The following FANCA variants were observed in gnomAD, a reference collection of about 807,000 sequenced individuals.
FANCA encodes Fanconi anemia group A protein.
A neutral mutation model predicts 194.3 loss-of-function variants in FANCA; 236 were observed. The ratio of observed to expected loss-of-function variants is 1.21; its 90% confidence interval spans 1.09 to 1.35. FANCA has a LOEUF of 1.35. Among genes scored for constraint, FANCA ranks in the 40% most tolerant of loss-of-function variants. The pLI, the probability that FANCA is intolerant of heterozygous loss-of-function variation, is 0.00. For missense variants in FANCA, 2,628 were observed against 1,813.9 expected, an observed-to-expected ratio of 1.45 and a Z score of -8.15; for synonymous variants, 1,014 against 715.8, an observed-to-expected ratio of 1.42 and a Z score of -6.65.
chr16:89,807,328 G>A (rs1453082794), intron 6 of FANCA, among the ~76,000 whole-genome samples: 4 of 151,332 alleles, frequency 2.6e-5, no homozygotes, highest in Admixed American at 1.3e-4. Context: ...GTGGTGGCAC[G>A]CGCCTGTAGT....
At position 89,745,100 on chromosome 16, in the gene FANCA, A is replaced by C. The variant is rs564838391; in HGVS notation, c.3514-29T>G. Reference sequence around the variant, plus strand: ...TGGAGAGAGCACCAGCACACAGATGAGGGTGGCTGAGATGGACACACCTCC... The same window carrying C: ...TGGAGAGAGCACCAGCACACAGATGCGGGTGGCTGAGATGGACACACCTCC... On this transcript the variant is annotated intron_variant, in intron 35 of 42. Transcript: ENST00000389301. 7.7e-6 allele frequency: 12 copies of C among 1,550,246 alleles called. No homozygotes were observed. In the African/African-American group the frequency reaches 1.2e-4, roughly 16 times the overall value.
chr16:89,805,410 G>C lies in FANCA; in HGVS notation c.597-18C>G. The C allele has an allele frequency of 1.3e-6, 2 of 1,591,204 alleles. No individual in the cohort carries two copies. The highest frequency in any genetic ancestry group is 1.7e-6 in the Non-Finnish European group (2 of 1,159,798). The stretch of plus-strand genomic sequence containing the variant: ...CGGGATGGCTGGAGACACACACAGA[G>C]GCAGACGTAAGGCTCAACTAAATCC... On this transcript the variant is annotated intron_variant, in intron 6 of 42. Transcript: ENST00000389301.
intron 14 of FANCA, among the ~76,000 whole-genome samples, chr16:89,787,961 C>T (rs772354965): frequency 9.2e-5 from 14 of 151,784 alleles, no homozygotes; most frequent in Non-Finnish European, 1.8e-4. Context: ...GCAACCTGCG[C>T]GTTCCGGGTT....
In FANCA at chr16:89,749,718, AGT is replaced by A; in HGVS notation, c.3239+10_3239+11del. On this transcript the variant is annotated intron_variant, in intron 32 of 42. Transcript: ENST00000389301. ...GGTGGTGCTGCCCTGCCCAGGTGGT[AGT>A]AGGTGTTACCGTTTGTACATTAGCA... The A allele has an allele frequency of 6.2e-7, 1 of 1,612,252 alleles. No individual in the cohort carries two copies. Among genetic ancestry groups the A allele is most frequent in the Non-Finnish European group, 8.5e-7 (1 of 1,179,092 alleles).
rs981671559 is a variant in FANCA, at chr16:89,791,279, C to T, written c.1359+124G>A. On this transcript the variant is annotated intron_variant, in intron 14 of 42. Coordinates refer to ENST00000389301, the MANE Select transcript of FANCA (RefSeq NM_000135.4). ...CAGAGGAAGATCTGCCAAGGCCACT[C>T]GGCAAAGCTGACAGCAAGGTTGCTC... 1.0e-4 allele frequency: 139 copies of T among 1,344,136 alleles called. 2 individuals carry two copies. The highest frequency in any genetic ancestry group is 1.0e-3 in the South Asian group (81 of 79,906). 83.3% of individuals were successfully genotyped at this position (1,344,136 alleles called of 1,614,324 possible).
chr16:89,752,131 A>C lies in FANCA; in HGVS notation c.3066+7T>G. 1 of 1,613,596 alleles carries C rather than the reference A, an allele frequency of 6.2e-7. No homozygotes were observed. Among genetic ancestry groups the C allele is most frequent in the Non-Finnish European group, 8.5e-7 (1 of 1,179,574 alleles). On this transcript the variant is annotated splice_region_variant and intron_variant, in intron 31 of 42. Coordinates refer to ENST00000389301, the MANE Select transcript of FANCA (RefSeq NM_000135.4). ...AATGCACTGAGTTGTGGCACCCTCA[A>C]ACTCACCTGCAATCTGGAAATAATA... is the stretch of plus-strand genomic sequence containing the variant.
intron 8 of FANCA, among the ~76,000 whole-genome samples, chr16:89,802,122 T>C (rs553588361): frequency 6.6e-6 from 1 of 152,304 alleles, no homozygotes; most frequent in African/African-American, 2.4e-5. Flanking sequence ...ACTGGTCAGC[T>C]TTAACGGAGT....
intron 32 of FANCA, among the ~76,000 whole-genome samples, chr16:89,749,423 C>T (rs2038504292): frequency 6.6e-6 from 1 of 152,220 alleles, no homozygotes; most frequent in Non-Finnish European, 1.5e-5. Context: ...CATGGCGTTT[C>T]GCCATGTTGG....
chr16:89,753,545 T>C (rs1018140984), intron 30 of FANCA, among the ~76,000 whole-genome samples: 2 of 152,150 alleles, frequency 1.3e-5, no homozygotes, highest in Admixed American at 6.6e-5. Context: ...TCAATAGATG[T>C]AGAAAAAGCA....
At position 89,737,948 on chromosome 16, in the gene FANCA, C is replaced by T; in HGVS notation, c.*653G>A. On this transcript the variant is annotated 3_prime_UTR_variant, in exon 43 of 43. Transcript: ENST00000389301. ...CCCCCTCCCAGGGCTGTGGCCCTCGCACCTTCTTATCTGCCTCTGTCCCCC... is the reference window on the plus strand; with the variant it reads ...CCCCCTCCCAGGGCTGTGGCCCTCGTACCTTCTTATCTGCCTCTGTCCCCC... 3 of 1,614,106 alleles carry T rather than the reference C, an allele frequency of 1.9e-6. No homozygotes were observed. The highest frequency in any genetic ancestry group is 1.3e-5 in the African/African-American group (1 of 75,048).
At chr16:89,783,467 C>T (rs953136679) in intron 15 of FANCA, among the ~76,000 whole-genome samples, 2 of 151,112 alleles carry the variant, frequency 1.3e-5, no homozygotes, top group Non-Finnish European at 2.9e-5. Flanking sequence ...AGGAGAATGG[C>T]GGGAACCCAG....
intron 3 of FANCA, among the ~76,000 whole-genome samples, chr16:89,811,775 G>C (rs2040891155): frequency 1.3e-5 from 2 of 152,078 alleles, no homozygotes; most frequent in South Asian, 4.2e-4. Flanking sequence ...CTGCCGCCTG[G>C]ACTGAAGTGC....
At chr16:89,749,632 A>G (rs1598076359) in intron 32 of FANCA, 98 bp downstream of exon 32, 4 of 1,434,590 alleles carry the variant, frequency 2.8e-6, no homozygotes, top group Non-Finnish European at 3.8e-6. Context: ...ACAAGTAAGT[A>G]ACGGGAAACA....
At chr16:89,806,497 C>T (rs866466240) in intron 6 of FANCA, among the ~76,000 whole-genome samples, 1 of 151,734 alleles carries the variant, frequency 6.6e-6, no homozygotes, top group Non-Finnish European at 1.5e-5. Context: ...GACCCTGAGG[C>T]CTTCTGCAGT....
chr16:89,745,154 G>C, intron 35 of FANCA, 83 bp from the exon 36 acceptor site: 1 of 1,298,522 alleles, frequency 7.7e-7, no homozygotes, highest in Non-Finnish European at 1.1e-6. Context: ...AGCCCCCAGT[G>C]CTCCTACAGG....
chr16:89,788,328 G>GCAGGTGC (rs2039962648), intron 14 of FANCA, among the ~76,000 whole-genome samples: 1 of 152,064 alleles, frequency 6.6e-6, no homozygotes, highest in Non-Finnish European at 1.5e-5. Flanking sequence ...AGGTGTGGTG[G>GCAGGTGC]CAGGCACCTG....
chr16:89,777,251 G>A (rs1006890224), intron 20 of FANCA, among the ~76,000 whole-genome samples: 5 of 151,626 alleles, frequency 3.3e-5, no homozygotes, highest in Non-Finnish European at 7.4e-5. Context: ...GTGTGGTGGA[G>A]CACGCCTCTA....
intron 10 of FANCA, chr16:89,798,594 A>C: frequency 8.7e-7 from 1 of 1,149,014 alleles, no homozygotes; most frequent in Admixed American, 4.3e-5. Flanking sequence ...TTTCCACCAA[A>C]CCCCGATGTC....
intron 28 of FANCA, 53 bp downstream of exon 28, chr16:89,764,837 C>A (rs779161214): frequency 6.2e-7 from 1 of 1,600,292 alleles, no homozygotes; most frequent in Non-Finnish European, 8.6e-7. Context: ...GGAGCACACA[C>A]AAACCCTAGA....
Sources: gnomAD v4.1 joint callset for allele counts (sites outside exome capture counted in the v4.1 genomes callset) on GRCh38, gnomAD v4.1.1 for gene constraint, MANE v1.5 for transcripts, NCBI Gene and HGNC (gene_info 2026-07-23, HGNC 2026-07-21) for gene names.